The following AMN variants were observed in gnomAD, a reference collection of about 807,000 sequenced individuals.
AMN encodes the protein amnion associated transmembrane protein.
A neutral mutation model predicts 49.1 loss-of-function variants in AMN; 40 were observed. The observed-to-expected ratio is 0.81, with a 90% confidence interval of 0.63 to 1.06. AMN has a LOEUF of 1.06. Among genes scored for constraint, AMN ranks in the 50% least tolerant of loss-of-function variants. The pLI, the probability that AMN is intolerant of heterozygous loss-of-function variation, is 0.00. For synonymous variants in AMN, 380 were observed against 313.3 expected (o/e 1.21, Z -2.25); for missense variants, 701 against 662.8 (o/e 1.06, Z -0.63).
Position 102,928,949 on chromosome 14 carries a change from G to C in AMN, c.487G>C (p.Val163Leu), listed in dbSNP as rs780240403. ...GLGPGASPVR[V>L]RSISALGRTF... ...CGGCCCTGGCGCTAGCCCCGTGCGT[G>C]TCCGCAGCATCTCGGCTCTGGGCCG... is the stretch of plus-strand genomic sequence containing the variant. The change falls in exon 5 of 12, where the codon GTC (valine) becomes CTC (leucine). Residue 163 changes from valine (V) to leucine (L), a missense_variant. Val to Leu is a conservative substitution (Grantham distance 32, BLOSUM62 1). Coordinates refer to ENST00000299155, the MANE Select transcript of AMN (RefSeq NM_030943.4). The C allele has an allele frequency of 1.9e-6, 3 of 1,599,752 alleles. No homozygotes were observed. Among genetic ancestry groups the C allele is most frequent in the South Asian group, 2.2e-5 (2 of 91,046 alleles).
chr14:102,929,119 A>T lies in AMN; in HGVS notation c.514-2A>T. On this transcript the variant is annotated splice_acceptor_variant, in intron 5 of 11. Transcript: ENST00000299155. LOFTEE classifies it high-confidence loss of function. The stretch of plus-strand genomic sequence containing the variant: ...CTCCGGTGGGGACCCGGCTGCCCGC[A>T]GACGTTCACGCGCGACGAGGACCTG... The T allele has an allele frequency of 1.3e-6, 2 of 1,597,476 alleles. No individual in the cohort carries two copies. The highest frequency in any genetic ancestry group is 1.7e-6 in the Non-Finnish European group (2 of 1,179,598).
chr14:102,928,236 C>T (rs1453839769), intron 3 of AMN, among the ~76,000 whole-genome samples, 190 bp from the exon 4 acceptor site: 1 of 152,256 alleles, frequency 6.6e-6, no homozygotes, highest in Non-Finnish European at 1.5e-5. Flanking sequence ...CCCACGCGGC[C>T]CCATCTTTCC....
chr14:102,923,501 A>C, intron 1 of AMN: 1 of 578,640 alleles, frequency 1.7e-6, no homozygotes, highest in Non-Finnish European at 3.1e-6. Flanking sequence ...CTCTGCAGGT[A>C]TCAGTAGAAG....
At position 102,923,696 on chromosome 14, in the gene AMN, T is replaced by C; in HGVS notation, c.44-15T>C. 1 of 1,606,524 alleles carries C rather than the reference T, an allele frequency of 6.2e-7. No homozygotes were observed. ...CCCGGAGAGCATCCCGGGCACTCAG[T>C]CGCCTCCTCCCCAGCACTGACCCAG... On this transcript the variant is annotated splice_polypyrimidine_tract_variant and intron_variant, in intron 1 of 11. Coordinates refer to ENST00000299155, the MANE Select transcript of AMN (RefSeq NM_030943.4).
chr14:102,929,337 C>G, intron 6 of AMN, 79 bp downstream of exon 6: 1 of 1,489,846 alleles, frequency 6.7e-7, no homozygotes, highest in South Asian at 1.3e-5. Flanking sequence ...TGCGCTCCCA[C>G]GGTCTCTCGC....
At position 102,923,877 on chromosome 14, in the gene AMN, A is replaced by T. The variant is rs758550140; in HGVS notation, c.162+48A>T. 4 of 1,612,722 alleles carry T rather than the reference A, an allele frequency of 2.5e-6. No homozygotes were observed. In the South Asian group the frequency reaches 4.4e-5, roughly 18 times the overall value. On this transcript the variant is annotated intron_variant, in intron 2 of 11. Transcript: ENST00000299155. ...TCGGTGATGGGCCTGGACCCCTGAG[A>T]CCGTGTGGCCCCGGTGGGGGTTGCT...
intron 1 of AMN, 94 bp from the exon 2 acceptor site, chr14:102,923,617 G>A: frequency 8.6e-7 from 1 of 1,156,614 alleles, no homozygotes; most frequent in Non-Finnish European, 1.3e-6. Flanking sequence ...CGGGTGATCC[G>A]CGCGGACCTT....
At chr14:102,927,243 C>T (rs751673925) in intron 3 of AMN, among the ~76,000 whole-genome samples, 1 of 152,120 alleles carries the variant, frequency 6.6e-6, no homozygotes, top group African/African-American at 2.4e-5. Flanking sequence ...AAAATTATAT[C>T]CTCTTTTTAT....
Position 102,930,823 on chromosome 14 carries a change from C to A in AMN, c.*143C>A. 1.0e-6 allele frequency: 1 copy of A among 964,696 alleles called. No homozygotes were observed. 59.8% of individuals were successfully genotyped at this position (964,696 alleles called of 1,614,324 possible). ...GGGCCAAGGACAGGGTGGCCTTACTCAGTAAAGGTGTTTCCTGCACCTGCT... is the reference window on the plus strand; with the variant it reads ...GGGCCAAGGACAGGGTGGCCTTACTAAGTAAAGGTGTTTCCTGCACCTGCT... On this transcript the variant is annotated 3_prime_UTR_variant, in exon 12 of 12. Coordinates refer to ENST00000299155, the MANE Select transcript of AMN (RefSeq NM_030943.4).
Position 102,925,755 on chromosome 14 carries a change from G to C in AMN, c.207+1776G>C, listed in dbSNP as rs542811221. 2.6e-5 allele frequency among the ~76,000 whole-genome samples: 4 copies of C among 152,268 alleles called. No homozygotes were observed. In the East Asian group the frequency reaches 7.7e-4, roughly 29 times the overall value. On this transcript the variant is annotated intron_variant, in intron 3 of 11. Transcript: ENST00000299155. Reference sequence around the variant, plus strand: ...TCATTCATTGATCATCCATTGGCCGGTGGGAACAGCGCAGGGGCAGGGGAC... The same window carrying C: ...TCATTCATTGATCATCCATTGGCCGCTGGGAACAGCGCAGGGGCAGGGGAC...
At position 102,930,010 on chromosome 14, in the gene AMN, G is replaced by A. The variant is rs1476478474; in HGVS notation, c.930G>A (p.Val310=). 6.4e-7 allele frequency: 1 copy of A among 1,558,470 alleles called. No homozygotes were observed. The highest frequency in any genetic ancestry group is 1.2e-5 in the South Asian group (1 of 84,530). ...AGGCCGATACGGAGATCCAGGTGGTGCTGGTGGAGAATGGGCCCGAGACAG... is the reference window on the plus strand; with the variant it reads ...AGGCCGATACGGAGATCCAGGTGGTACTGGTGGAGAATGGGCCCGAGACAG... ...LREADTEIQV[V]LVENGPETGG... Residue 310 remains valine (V), a synonymous_variant, in exon 9 of 12, where the codon GTG becomes GTA. Transcript: ENST00000299155.
rs758005290 is a variant in AMN, at chr14:102,923,790, C to G, written c.123C>G (p.Thr41=). The stretch of plus-strand genomic sequence containing the variant: ...CAGCCAACTGGAGCCAGAACCGGAC[C>G]CCGTGCGCCGGCGGCGCCGTTGAGT... ...DVAANWSQNR[T]PCAGGAVEFP... is the part of the protein sequence containing the mutation. The change falls in exon 2 of 12, where the codon ACC becomes ACG. Residue 41 remains threonine (T), a synonymous_variant. Coordinates refer to ENST00000299155, the MANE Select transcript of AMN (RefSeq NM_030943.4). The G allele has an allele frequency of 1.4e-5, 22 of 1,612,662 alleles. No individual in the cohort carries two copies. In the Admixed American group the frequency reaches 1.7e-4, roughly 12 times the overall value.
Position 102,929,440 on chromosome 14 carries a change from A to C in AMN, c.664A>C (p.Ile222Leu). 2.0e-6 allele frequency: 3 copies of C among 1,530,954 alleles called. No individual in the cohort carries two copies. Among genetic ancestry groups the C allele is most frequent in the Non-Finnish European group, 2.6e-6 (3 of 1,145,366 alleles). The allele number at this position is 1,530,954 out of a possible 1,614,324, so 94.8% of individuals were successfully genotyped here. ...CCCCTCGCACCAGGCGCAGCCGTGG[A>C]TCTGCGCGGCCCTGCTCCAGCCCCT... Reference protein sequence around the residue: ...VCGNAEAQPWICAALLQPLGG... With the variant: ...VCGNAEAQPWLCAALLQPLGG... Residue 222 changes from isoleucine (I) to leucine (L), a missense_variant, in exon 7 of 12, where the codon ATC (isoleucine) becomes CTC (leucine). Physicochemically the swap from Ile to Leu is conservative, Grantham distance 5 (BLOSUM62 2). Coordinates refer to ENST00000299155, the MANE Select transcript of AMN (RefSeq NM_030943.4).
chr14:102,923,581 C>T (rs564269876), intron 1 of AMN, 130 bp from the exon 2 acceptor site: 2 of 892,864 alleles, frequency 2.2e-6, no homozygotes, highest in African/African-American at 1.6e-5. Flanking sequence ...GGTCCGGGCC[C>T]CCGGGGATGG....
intron 2 of AMN, 44 bp from the exon 3 acceptor site, chr14:102,923,891 G>A (rs778994887): frequency 2.0e-5 from 33 of 1,613,020 alleles, no homozygotes; most frequent in Non-Finnish European, 2.8e-5. Flanking sequence ...TGTGGCCCCG[G>A]TGGGGGTTGC....
chr14:102,930,566 C>T lies in AMN; in HGVS notation c.1258-10C>T, dbSNP rs1891326316. On this transcript the variant is annotated splice_polypyrimidine_tract_variant and intron_variant, in intron 11 of 11. Transcript: ENST00000299155. The stretch of plus-strand genomic sequence containing the variant: ...GGCGCCGACCGCCGCCTGACCCTGT[C>T]ACCCCGCAGCCCCTGCCGCGGCGGC... 3.8e-6 allele frequency: 6 copies of T among 1,564,240 alleles called. No homozygotes were observed. Among genetic ancestry groups the T allele is most frequent in the Non-Finnish European group, 4.3e-6 (5 of 1,156,172 alleles).
At chr14:102,928,199 C>T (rs941557566) in intron 3 of AMN, among the ~76,000 whole-genome samples, 1 of 152,258 alleles carries the variant, frequency 6.6e-6, no homozygotes, top group Admixed American at 6.5e-5. Context: ...GGACAGGACA[C>T]TGGGCTGTGC....
intron 4 of AMN, 108 bp from the exon 5 acceptor site, chr14:102,928,650 C>T: frequency 6.7e-7 from 1 of 1,502,836 alleles, no homozygotes; most frequent in Non-Finnish European, 9.0e-7. Flanking sequence ...GCGGAAGTGT[C>T]CCGAAGCGGG....
chr14:102,927,634 G>A (rs1891216919), intron 3 of AMN, among the ~76,000 whole-genome samples: 1 of 152,218 alleles, frequency 6.6e-6, no homozygotes, highest in Non-Finnish European at 1.5e-5. Flanking sequence ...TCGGGTGGGC[G>A]CGCCCTGCTG....
Sources: gnomAD v4.1 joint callset for allele counts (sites outside exome capture counted in the v4.1 genomes callset) on GRCh38, gnomAD v4.1.1 for gene constraint, MANE v1.5 for transcripts, NCBI Gene and HGNC (gene_info 2026-07-23, HGNC 2026-07-21) for gene names.